EPHA3: variants seen among roughly 807,000 people sequenced by gnomAD.
EPHA3 encodes the protein EPH receptor A3, also known as ephrin type-A receptor 3.
EPHA3 carries 42 observed loss-of-function variants against 107.1 expected under a neutral mutation model. The ratio of observed to expected loss-of-function variants is 0.39; its 90% CI spans 0.31 to 0.51. The LOEUF is 0.51. EPHA3 is among the 20% of genes least tolerant of loss of function. EPHA3 has a pLI of 0.78. For synonymous variants in EPHA3, 461 were observed against 424.8 expected, an observed-to-expected ratio of 1.09 and a Z score of -1.05; for missense variants, 1,183 against 1,211.2, an observed-to-expected ratio of 0.98 and a Z score of 0.35.
intron 3 of EPHA3, among the ~76,000 whole-genome samples, chr3:89,288,849 C>T (rs1706149352): frequency 6.6e-6 from 1 of 152,048 alleles, no homozygotes; most frequent in Non-Finnish European, 1.5e-5. Flanking sequence ...TTTATTTAAC[C>T]TGAGATTGAT....
chr3:89,196,775 T>C (rs1290838651), intron 2 of EPHA3, among the ~76,000 whole-genome samples: 1 of 152,166 alleles, frequency 6.6e-6, no homozygotes, highest in Non-Finnish European at 1.5e-5. Flanking sequence ...AATTTTTTCC[T>C]CTGGTTTTTG....
At chr3:89,344,876 G>A in intron 5 of EPHA3, among the ~76,000 whole-genome samples, 1 of 141,464 alleles carries the variant, frequency 7.1e-6, no homozygotes, top group Non-Finnish European at 1.6e-5. Flanking sequence ...TCGGATATTA[G>A]TTCTCAGCTC....
At chr3:89,310,836 G>C (rs1037416472) in intron 3 of EPHA3, among the ~76,000 whole-genome samples, 1 of 151,954 alleles carries the variant, frequency 6.6e-6, no homozygotes, top group African/African-American at 2.4e-5. Context: ...ACAAATATAT[G>C]AAGTATCAGC....
At chr3:89,457,795 C>T (rs910550164) in intron 15 of EPHA3, among the ~76,000 whole-genome samples, 4 of 152,054 alleles carry the variant, frequency 2.6e-5, no homozygotes, top group Non-Finnish European at 4.4e-5. Context: ...GGGATTCATA[C>T]GAGAGAATTA....
At chr3:89,390,785 A>ACTTTTTTTTT (rs777460537) in intron 5 of EPHA3, among the ~76,000 whole-genome samples, 2 of 132,136 alleles carry the variant, frequency 1.5e-5, no homozygotes, top group African/African-American at 5.6e-5. Flanking sequence ...ATTGAAAAGC[A>ACTTTTTTTTT]TTTTTTTTTT....
chr3:89,148,756 T>C (rs916489769), intron 2 of EPHA3, among the ~76,000 whole-genome samples: 1 of 152,010 alleles, frequency 6.6e-6, no homozygotes, highest in African/African-American at 2.4e-5. Flanking sequence ...ATGTCACTTA[T>C]AGAAACAACT....
At chr3:89,252,994 C>T (rs1576266499) in intron 3 of EPHA3, among the ~76,000 whole-genome samples, 1 of 151,726 alleles carries the variant, frequency 6.6e-6, no homozygotes, top group Admixed American at 6.6e-5. Flanking sequence ...CTCTCTGCCC[C>T]CAACTTAGTC....
Position 89,481,397 on chromosome 3 carries a change from A to C in EPHA3, c.*1895A>C. 1 of 232,274 alleles carries C rather than the reference A, an allele frequency of 4.3e-6. No homozygotes were observed. The allele number at this position is 232,274 out of a possible 1,614,324, so 14.4% of individuals were successfully genotyped here. On this transcript the variant is annotated 3_prime_UTR_variant, in exon 17 of 17. Coordinates refer to ENST00000336596, the MANE Select transcript of EPHA3 (RefSeq NM_005233.6). Reference sequence around the variant, plus strand: ...GATTATAAAATTAATCACAAATTTCACTTATACCTGCTATCAGCAGCTAGA... The same window carrying C: ...GATTATAAAATTAATCACAAATTTCCCTTATACCTGCTATCAGCAGCTAGA...
intron 2 of EPHA3, among the ~76,000 whole-genome samples, chr3:89,137,962 G>T (rs1704351368): frequency 6.6e-6 from 1 of 151,814 alleles, no homozygotes; most frequent in South Asian, 2.1e-4. Flanking sequence ...TGAGGATGGG[G>T]CCCAGCAATA....
intron 2 of EPHA3, among the ~76,000 whole-genome samples, chr3:89,198,797 A>G (rs781551657): frequency 6.6e-6 from 1 of 152,212 alleles, no homozygotes; most frequent in Non-Finnish European, 1.5e-5. Context: ...TTATCATAGC[A>G]GGAAATTGCA....
In EPHA3 at chr3:89,480,451, C is replaced by T. The variant is rs1196518160; in HGVS notation, c.*949C>T. On this transcript the variant is annotated 3_prime_UTR_variant, in exon 17 of 17. Coordinates refer to ENST00000336596, the MANE Select transcript of EPHA3 (RefSeq NM_005233.6). ...TACCAGCTTGTATGCAATGGATTTT[C>T]AACCAGATAACATACCTTTCCTGCT... The T allele has an allele frequency of 4.3e-6, 1 of 233,234 alleles. No individual in the cohort carries two copies. The highest frequency in any genetic ancestry group is 2.2e-5 in the African/African-American group (1 of 45,338). The allele number at this position is 233,234 out of a possible 1,614,324, so 14.4% of individuals were successfully genotyped here.
At chr3:89,211,732 TTCTTCTTCTCC>T (rs1704096587) in intron 3 of EPHA3, among the ~76,000 whole-genome samples, 3 of 10,126 alleles carry the variant, frequency 3.0e-4, no homozygotes, top group African/African-American at 4.7e-4. Context: ...CTTTTTCTTC[TTCTTCTTCTCC>T]TTCTTCTTCT....
intron 2 of EPHA3, among the ~76,000 whole-genome samples, chr3:89,193,655 T>C (rs998749302): frequency 6.6e-6 from 1 of 152,046 alleles, no homozygotes; most frequent in Non-Finnish European, 1.5e-5. Flanking sequence ...ATCTGTTCAC[T>C]GTACATTATA....
At chr3:89,244,131 C>A (rs1335334328) in intron 3 of EPHA3, among the ~76,000 whole-genome samples, 2 of 151,894 alleles carry the variant, frequency 1.3e-5, no homozygotes, top group Admixed American at 1.3e-4. Context: ...TTTTATGTGA[C>A]ATTATTGATA....
At chr3:89,254,088 C>T (rs1705223375) in intron 3 of EPHA3, among the ~76,000 whole-genome samples, 1 of 152,098 alleles carries the variant, frequency 6.6e-6, no homozygotes, top group African/African-American at 2.4e-5. Context: ...AATATTTTCA[C>T]TGCCCTTTCA....
At chr3:89,147,449 C>T (rs569466978) in intron 2 of EPHA3, among the ~76,000 whole-genome samples, 7 of 151,916 alleles carry the variant, frequency 4.6e-5, no homozygotes, top group African/African-American at 9.6e-5. Context: ...ATCTTCTATC[C>T]ATATAATTGT....
At chr3:89,230,207 T>C (rs1354963400) in intron 3 of EPHA3, among the ~76,000 whole-genome samples, 1 of 152,036 alleles carries the variant, frequency 6.6e-6, no homozygotes, top group African/African-American at 2.4e-5. Context: ...GAAGGGACTA[T>C]GGAGAATAGA....
chr3:89,177,389 C>T (rs1395541251), intron 2 of EPHA3, among the ~76,000 whole-genome samples: 5 of 152,094 alleles, frequency 3.3e-5, no homozygotes, highest in African/African-American at 9.7e-5. Context: ...TACCTGTCCA[C>T]ATTTGGGACT....
At chr3:89,213,693 T>C (rs1704160298) in intron 3 of EPHA3, among the ~76,000 whole-genome samples, 1 of 152,038 alleles carries the variant, frequency 6.6e-6, no homozygotes, top group South Asian at 2.1e-4. Context: ...GTTTCTAGAT[T>C]AATACCTGTA....
Sources: allele counts gnomAD v4.1 joint callset (sites outside exome capture counted in the v4.1 genomes callset), GRCh38; gene constraint gnomAD v4.1.1; transcripts MANE v1.5; gene names NCBI Gene and HGNC (gene_info 2026-07-23, HGNC 2026-07-21).